CUX1: variants seen among roughly 807,000 people sequenced by gnomAD.
The protein encoded by CUX1 is cut like homeobox 1.
In CUX1, 31 loss-of-function variants were observed where a neutral mutation model predicts 158.8. The ratio of observed to expected loss-of-function variants is 0.20; its 90% CI spans 0.15 to 0.26. The LOEUF (loss-of-function observed/expected upper bound fraction) is 0.26, where lower values mean the gene tolerates loss of function less well. Among genes scored for constraint, CUX1 ranks in the 10% least tolerant of loss-of-function variants. CUX1 has a pLI of 1.00. For synonymous variants in CUX1, 879 were observed against 862.1 expected (o/e 1.02, Z -0.34); for missense variants, 1,589 against 2,014.6 (o/e 0.79, Z 4.04).
At chr7:101,944,012 C>G (rs928744187) in intron 2 of CUX1, among the ~76,000 whole-genome samples, 3 of 150,860 alleles carry the variant, frequency 2.0e-5, no homozygotes, top group African/African-American at 4.9e-5. Flanking sequence ...CAGGTTCTTG[C>G]CAAAGCCTCT....
At chr7:101,879,063 A>AC (rs1196321415) in intron 1 of CUX1, among the ~76,000 whole-genome samples, 1 of 152,202 alleles carries the variant, frequency 6.6e-6, no homozygotes, top group East Asian at 1.9e-4. Context: ...AACCATCCTG[A>AC]CCCTGTCTGT....
chr7:102,147,617 C>G (rs1441258641), intron 8 of CUX1, among the ~76,000 whole-genome samples: 2 of 152,208 alleles, frequency 1.3e-5, no homozygotes, highest in African/African-American at 4.8e-5. Context: ...CAAAAGAATT[C>G]TACCCTTTCT....
chr7:102,231,139 C>T lies in CUX1; in HGVS notation c.3434-2913C>T, dbSNP rs1798940163. ...CCGCCTCCCAGGTTCACGCCATTCT[C>T]CTGCCTCAGCCTCCCAAGTAGCTGG... is the stretch of plus-strand genomic sequence containing the variant. On this transcript the variant is annotated intron_variant, in intron 21 of 23. Coordinates refer to ENST00000292535, the MANE Select transcript of CUX1 (RefSeq NM_181552.4). Among the ~76,000 whole-genome samples the T allele has an allele frequency of 2.0e-5, 3 of 151,682 alleles. No homozygotes were observed. The South Asian group carries it at 6.2e-4, about 32-fold the overall frequency.
At chr7:101,966,161 G>C (rs1235131033) in intron 2 of CUX1, among the ~76,000 whole-genome samples, 2 of 151,944 alleles carry the variant, frequency 1.3e-5, no homozygotes, top group African/African-American at 4.8e-5. Context: ...ACCTCCCCGG[G>C]CTCAGCTGAT....
At chr7:101,852,971 C>T (rs1796429784) in intron 1 of CUX1, among the ~76,000 whole-genome samples, 1 of 152,144 alleles carries the variant, frequency 6.6e-6, no homozygotes, top group African/African-American at 2.4e-5. Flanking sequence ...AGCCACTGTG[C>T]TTGGCCTCTG....
At chr7:101,882,880 C>T (rs540606154) in intron 1 of CUX1, among the ~76,000 whole-genome samples, 18 of 152,292 alleles carry the variant, frequency 1.2e-4, no homozygotes, top group Admixed American at 9.2e-4. Context: ...TTCCCTGTCT[C>T]GCCCAGCCTT....
At chr7:101,954,961 A>G (rs2129164662) in intron 2 of CUX1, among the ~76,000 whole-genome samples, 2 of 152,304 alleles carry the variant, frequency 1.3e-5, no homozygotes, top group East Asian at 3.9e-4. Context: ...ACCTGAGGCC[A>G]GGAGTTCGAG....
intron 8 of CUX1, among the ~76,000 whole-genome samples, chr7:102,126,177 CTGTGTGTGTGTGTGTG>C (rs3988138): frequency 6.0e-4 from 82 of 135,542 alleles, no homozygotes; most frequent in Non-Finnish European, 8.4e-4. Context: ...CCATTTCCGG[CTGTGTGTGTGTGTGTG>C]TGTGTGTGTG....
At chr7:102,029,721 G>A (rs6942801) in intron 3 of CUX1, among the ~76,000 whole-genome samples, 60,573 of 152,000 alleles carry the variant, frequency 0.4, 12,851 homozygotes, top group Non-Finnish European at 0.46. Flanking sequence ...AGCTTGGTCC[G>A]GCCAGCAGGA....
At chr7:101,990,988 G>A (rs1286189434) in intron 2 of CUX1, among the ~76,000 whole-genome samples, 2 of 152,082 alleles carry the variant, frequency 1.3e-5, no homozygotes, top group African/African-American at 2.4e-5. Context: ...GCATCTTTAC[G>A]GAGTCTCATC....
rs1554518622 is a variant in CUX1 at position 102,197,150 on chromosome 7, G to A, written c.1739G>A (p.Gly580Glu). The A allele has an allele frequency of 6.2e-7, 1 of 1,614,240 alleles. No individual in the cohort carries two copies. ...CGTATTTTCGGACATTATGTGTTGGGACTGTCTCAAGGGTCCGTGAGCGAG... is the reference window on the plus strand; with the variant it reads ...CGTATTTTCGGACATTATGTGTTGGAACTGTCTCAAGGGTCCGTGAGCGAG... ...GQRIFGHYVL[G>E]LSQGSVSEIL... Residue 580 changes from glycine to glutamate, a missense_variant, in exon 15 of 24, where the codon GGA (glycine) becomes GAA (glutamate). Coordinates refer to ENST00000292535, the MANE Select transcript of CUX1 (RefSeq NM_181552.4).
intron 1 of CUX1, among the ~76,000 whole-genome samples, chr7:101,844,179 T>TCCCCGCCCCCGC (rs1218148805): frequency 1.8e-5 from 2 of 108,574 alleles, no homozygotes; most frequent in Non-Finnish European, 3.8e-5. Flanking sequence ...ACCGTCCCCC[T>TCCCCGCCCCCGC]CCCCGCCCCC....
At chr7:102,021,665 C>G (rs1819391265) in intron 2 of CUX1, among the ~76,000 whole-genome samples, 2 of 129,146 alleles carry the variant, frequency 1.5e-5, no homozygotes, top group Admixed American at 1.8e-4. Context: ...TGAAGCGATT[C>G]TCCTGCCTCA....
chr7:101,975,111 C>A (rs562041259), intron 2 of CUX1, among the ~76,000 whole-genome samples: 1 of 151,924 alleles, frequency 6.6e-6, no homozygotes, highest in Non-Finnish European at 1.5e-5. Context: ...CTTAGCCGGG[C>A]GTGATGGGAG....
chr7:101,825,572 G>A (rs181034743), intron 1 of CUX1, among the ~76,000 whole-genome samples: 15 of 152,142 alleles, frequency 9.9e-5, no homozygotes, highest in Non-Finnish European at 2.1e-4. Context: ...CCCTGGTCCC[G>A]CAGTTTGTCA....
intron 2 of CUX1, among the ~76,000 whole-genome samples, chr7:101,929,632 GT>G (rs1172598866): frequency 5.9e-5 from 9 of 152,238 alleles, no homozygotes; most frequent in African/African-American, 2.2e-4. Flanking sequence ...TATTTATTGA[GT>G]ACTTGCTAGG....
intron 2 of CUX1, among the ~76,000 whole-genome samples, chr7:101,978,337 C>T (rs931081372): frequency 1.3e-5 from 2 of 152,192 alleles, no homozygotes; most frequent in African/African-American, 4.8e-5. Flanking sequence ...CGGGAAATGG[C>T]GTCACCACCC....
chr7:102,268,905 CA>C (rs1254685154), intron 14 of CUX1, among the ~76,000 whole-genome samples: 12 of 151,896 alleles, frequency 7.9e-5, no homozygotes, highest in African/African-American at 2.7e-4. Context: ...AAACACCTCC[CA>C]CCAGGCCCCA....
chr7:102,061,586 G>A (rs1380814346), intron 3 of CUX1, among the ~76,000 whole-genome samples: 2 of 152,194 alleles, frequency 1.3e-5, no homozygotes, highest in South Asian at 2.1e-4. Flanking sequence ...TTCAGGCAGA[G>A]CACCTGTTTT....
Sources: gnomAD v4.1 joint callset for allele counts (sites outside exome capture counted in the v4.1 genomes callset) on GRCh38, gnomAD v4.1.1 for gene constraint, MANE v1.5 for transcripts, NCBI Gene and HGNC (gene_info 2026-07-23, HGNC 2026-07-21) for gene names.